Variants in TMEM182 observed in about 807,000 individuals in gnomAD.
TMEM182 encodes transmembrane protein 182.
A neutral mutation model predicts 26.8 loss-of-function variants in TMEM182; 20 were observed. That is an observed-to-expected ratio of 0.75 (90% CI 0.53 to 1.09). The LOEUF is 1.09. TMEM182 is among the 50% of genes least tolerant of loss of function. TMEM182 has a pLI of 0.00. For missense variants in TMEM182, 277 were observed against 275.5 expected (o/e 1.01, Z -0.04); for synonymous variants, 109 against 102.2 (o/e 1.07, Z -0.40).
chr2:102,826,944 T>G (rs1209255873), intron 3 of TMEM182, among the ~76,000 whole-genome samples: 1 of 152,134 alleles, frequency 6.6e-6, no homozygotes, highest in African/African-American at 2.4e-5. Flanking sequence ...CTTTTTAAAG[T>G]GAGGAATACA....
chr2:102,782,111 G>A (rs1392315267), intron 3 of TMEM182, among the ~76,000 whole-genome samples: 2 of 152,104 alleles, frequency 1.3e-5, no homozygotes, highest in Non-Finnish European at 2.9e-5. Flanking sequence ...TTTGAGACCA[G>A]CGTGGCCAAC....
At chr2:102,826,086 T>A (rs1463347981) in intron 3 of TMEM182, among the ~76,000 whole-genome samples, 1 of 152,150 alleles carries the variant, frequency 6.6e-6, no homozygotes, top group East Asian at 1.9e-4. Flanking sequence ...TCACTGAGAT[T>A]TAGTGCTTGG....
intron 3 of TMEM182, among the ~76,000 whole-genome samples, chr2:102,776,086 A>G (rs577196284): frequency 1.3e-5 from 2 of 152,340 alleles, no homozygotes; most frequent in African/African-American, 4.8e-5. Flanking sequence ...TAGAAAGTAC[A>G]GAGGGTTCCC....
chr2:102,743,204 T>C (rs908391450), intron 1 of TMEM182, among the ~76,000 whole-genome samples: 2 of 152,224 alleles, frequency 1.3e-5, no homozygotes, highest in Non-Finnish European at 2.9e-5. Context: ...AGTCAGTATG[T>C]TATTTGAAAC....
At chr2:102,831,523 G>T (rs1341166557) in intron 3 of TMEM182, among the ~76,000 whole-genome samples, 1 of 152,170 alleles carries the variant, frequency 6.6e-6, no homozygotes, top group Non-Finnish European at 1.5e-5. Flanking sequence ...TTGGGAGGCT[G>T]AGGTGGGCAG....
At chr2:102,789,825 C>T (rs896710776) in intron 3 of TMEM182, among the ~76,000 whole-genome samples, 1 of 152,110 alleles carries the variant, frequency 6.6e-6, no homozygotes, top group African/African-American at 2.4e-5. Context: ...CCAGGTTCCC[C>T]ATTTTCTCTT....
intron 3 of TMEM182, among the ~76,000 whole-genome samples, chr2:102,837,061 AT>A (rs1683259166): frequency 6.6e-6 from 1 of 152,122 alleles, no homozygotes; most frequent in Non-Finnish European, 1.5e-5. Context: ...CTGTGTTATT[AT>A]GGTACCTCCC....
downstream of TMEM182, among the ~76,000 whole-genome samples, chr2:102,820,220 C>T (rs554467626): frequency 6.6e-6 from 1 of 152,248 alleles, no homozygotes; most frequent in Admixed American, 6.5e-5. Context: ...ATTTCAAGTC[C>T]TTGATTTTAA....
chr2:102,802,907 G>A (rs1380331653), intron 4 of TMEM182, among the ~76,000 whole-genome samples: 1 of 152,146 alleles, frequency 6.6e-6, no homozygotes, highest in Non-Finnish European at 1.5e-5. Flanking sequence ...TTCTTAAATG[G>A]CAAACTGGGA....
intron 3 of TMEM182, among the ~76,000 whole-genome samples, chr2:102,838,184 G>C (rs1683282500): frequency 6.6e-6 from 1 of 152,180 alleles, no homozygotes; most frequent in South Asian, 2.1e-4. Context: ...TTTCAAAACA[G>C]GAAACTGTGA....
In TMEM182 at chr2:102,762,282, T is replaced by C; in HGVS notation, c.65T>C (p.Leu22Ser). 6.2e-7 allele frequency: 1 copy of C among 1,614,038 alleles called. No individual in the cohort carries two copies. Among genetic ancestry groups the C allele is most frequent in the Non-Finnish European group, 8.5e-7 (1 of 1,179,940 alleles). ...LFGALGVLLF[L>S]VAFGSDYWLL... Reference sequence around the variant, plus strand: ...GGTGCTTTGGGGGTGTTACTCTTTTTGGTGGCTTTTGGATCGGATTATTGG... The same window carrying C: ...GGTGCTTTGGGGGTGTTACTCTTTTCGGTGGCTTTTGGATCGGATTATTGG... The change falls in exon 1 of 5, where the codon TTG (leucine) becomes TCG (serine). Residue 22 changes from leucine to serine, a missense_variant. By Grantham distance (145) the Leu-to-Ser change is moderately radical (BLOSUM62 -2). Transcript: ENST00000412401.
chr2:102,786,210 GT>G (rs772846502), intron 3 of TMEM182, among the ~76,000 whole-genome samples: 4,347 of 91,540 alleles, frequency 0.047, 40 homozygotes, highest in African/African-American at 0.067. Context: ...TCAGCAATCT[GT>G]TTTTTTTTTT....
In TMEM182 at chr2:102,790,849, A is replaced by G. The variant is rs537535667; in HGVS notation, c.332-7014A>G. ...TGGATAAAATTGAGACATCAGGAAC[A>G]TGGATTTACATTCCCTAAATCCTCT... is the stretch of plus-strand genomic sequence containing the variant. On this transcript the variant is annotated intron_variant, in intron 3 of 4. Transcript: ENST00000412401. Among the ~76,000 whole-genome samples, 10 of 152,360 alleles carry G rather than the reference A, an allele frequency of 6.6e-5. No homozygotes were observed. The South Asian group carries it at 2.1e-3, about 32-fold the overall frequency.
upstream of TMEM182, chr2:102,761,842 C>A (rs549791146): frequency 5.1e-6 from 1 of 197,308 alleles, no homozygotes. Context: ...CTTTCTACTT[C>A]TGTGGATTAC....
intron 3 of TMEM182, among the ~76,000 whole-genome samples, chr2:102,788,326 G>A (rs115644838): frequency 2.1e-3 from 320 of 152,242 alleles, no homozygotes; most frequent in Admixed American, 5.7e-3. Context: ...GGCAGCAATG[G>A]GGACAACTGA....
chr2:102,827,003 T>C (rs1399758174), intron 3 of TMEM182, among the ~76,000 whole-genome samples: 1 of 152,208 alleles, frequency 6.6e-6, no homozygotes, highest in African/African-American at 2.4e-5. Context: ...GAAAAACTGC[T>C]CCCCTGCACC....
Position 102,816,963 on chromosome 2 carries a change from TTA to T in TMEM182, c.*1999_*2000del. 4.1e-6 allele frequency: 4 copies of T among 985,754 alleles called. No individual in the cohort carries two copies. The highest frequency in any genetic ancestry group is 4.8e-6 in the Non-Finnish European group (4 of 829,798). The allele number at this position is 985,754 out of a possible 1,614,324, so 61.1% of individuals were successfully genotyped here. A position where few individuals can be genotyped will look rare whatever the true frequency, so the allele number is the denominator to read the frequency against. On this transcript the variant is annotated 3_prime_UTR_variant, in exon 5 of 5. Coordinates refer to ENST00000412401, the MANE Select transcript of TMEM182 (RefSeq NM_144632.5). ...CACTTAAGTGGCTACCATATATTTT[TTA>T]TATGACAATTGGCTGAATAGCTGAT...
Position 102,802,091 on chromosome 2 carries a change from C to T in TMEM182, c.469+4091C>T, listed in dbSNP as rs193045445. Among the ~76,000 whole-genome samples the T allele has an allele frequency of 2.3e-3, 348 of 152,240 alleles. 2 individuals carry two copies. The highest frequency in any genetic ancestry group is 4.5e-3 in the Admixed American group (69 of 15,290). On this transcript the variant is annotated intron_variant, in intron 4 of 4. Coordinates refer to ENST00000412401, the MANE Select transcript of TMEM182 (RefSeq NM_144632.5). ...CAGGTGCAGCCTGGGCTCAGGCTTGCGGTGGCTGCTTTATCGATGCCACAA... is the reference window on the plus strand; with the variant it reads ...CAGGTGCAGCCTGGGCTCAGGCTTGTGGTGGCTGCTTTATCGATGCCACAA...
intron 4 of TMEM182, among the ~76,000 whole-genome samples, 188 bp downstream of exon 4, chr2:102,798,188 A>G (rs113355753): frequency 1.3e-5 from 2 of 152,304 alleles, no homozygotes; most frequent in African/African-American, 4.8e-5. Context: ...TGTGTGTCGG[A>G]CACTTTTCAG....
Sources: allele counts gnomAD v4.1 joint callset (sites outside exome capture counted in the v4.1 genomes callset), GRCh38; gene constraint gnomAD v4.1.1; transcripts MANE v1.5; gene names NCBI Gene and HGNC (gene_info 2026-07-23, HGNC 2026-07-21).